The following ULK4 variants were observed in gnomAD, a reference collection of about 807,000 sequenced individuals.
The protein encoded by ULK4 is unc-51 like kinase 4.
In ULK4, 133 loss-of-function variants were observed where a neutral mutation model predicts 160.6. That is an observed-to-expected ratio of 0.83 (90% confidence interval 0.72 to 0.96). The LOEUF is 0.96. Ranked by LOEUF, ULK4 falls within the 40% of genes least tolerant of loss-of-function variation. The pLI is 0.00. For missense variants in ULK4, 1,580 were observed against 1,499.5 expected (o/e 1.05, Z -0.89); for synonymous variants, 534 against 539.8 (o/e 0.99, Z 0.15).
chr3:41,297,849 T>C (rs2079700901), intron 35 of ULK4, among the ~76,000 whole-genome samples: 2 of 152,222 alleles, frequency 1.3e-5, no homozygotes, highest in South Asian at 2.1e-4. Context: ...TAATGCATTA[T>C]TACATTTCAG....
At chr3:41,263,910 G>A (rs1345871201) in intron 35 of ULK4, among the ~76,000 whole-genome samples, 1 of 152,174 alleles carries the variant, frequency 6.6e-6, no homozygotes, top group African/African-American at 2.4e-5. Flanking sequence ...AATAGCAGGG[G>A]GTGCCGGGTG....
chr3:41,937,433 C>T (rs867108418), intron 3 of ULK4: 2 of 616,974 alleles, frequency 3.2e-6, no homozygotes, highest in Non-Finnish European at 5.8e-6. Flanking sequence ...AAGTTAGATG[C>T]ATAAAGCTAG....
intron 1 of ULK4, among the ~76,000 whole-genome samples, chr3:41,961,504 TCA>T (rs1443354016): frequency 2.1e-5 from 3 of 141,730 alleles, no homozygotes; most frequent in Non-Finnish European, 4.5e-5. Flanking sequence ...TCGCCGCACT[TCA>T]CAGACTCAAT....
chr3:41,643,832 T>C (rs974786689), intron 30 of ULK4, among the ~76,000 whole-genome samples: 1 of 152,238 alleles, frequency 6.6e-6, no homozygotes, highest in Non-Finnish European at 1.5e-5. Context: ...CAGCATGGAA[T>C]GTTCTTCCAT....
At chr3:41,906,367 A>AT (rs1698561659) in intron 12 of ULK4, among the ~76,000 whole-genome samples, 1 of 152,090 alleles carries the variant, frequency 6.6e-6, no homozygotes, top group Admixed American at 6.6e-5. Flanking sequence ...TTTACAAACA[A>AT]TTTTTTGTAA....
intron 35 of ULK4, among the ~76,000 whole-genome samples, chr3:41,264,959 C>T (rs957221907): frequency 1.3e-5 from 2 of 152,202 alleles, no homozygotes; most frequent in African/African-American, 2.4e-5. Context: ...AGACTTGTGA[C>T]AGGGCACAGG....
At chr3:41,677,284 T>C (rs986726399) in intron 29 of ULK4, among the ~76,000 whole-genome samples, 1 of 151,980 alleles carries the variant, frequency 6.6e-6, no homozygotes, top group African/African-American at 2.4e-5. Context: ...TAAATGGTAT[T>C]ATAATCCACA....
At chr3:41,578,365 G>A (rs1329855823) in intron 31 of ULK4, among the ~76,000 whole-genome samples, 1 of 152,088 alleles carries the variant, frequency 6.6e-6, no homozygotes, top group Non-Finnish European at 1.5e-5. Flanking sequence ...ATAACCGAAG[G>A]CAATCAGCTT....
At chr3:41,287,817 C>T (rs1212168972) in intron 35 of ULK4, among the ~76,000 whole-genome samples, 3 of 152,164 alleles carry the variant, frequency 2.0e-5, no homozygotes, top group South Asian at 2.1e-4. Flanking sequence ...TGGAAAGGAC[C>T]GCACTGAGGC....
intron 18 of ULK4, among the ~76,000 whole-genome samples, chr3:41,827,873 C>T (rs59307944): frequency 0.32 from 47,844 of 151,088 alleles, 11,145 homozygotes; most frequent in African/African-American, 0.66. Context: ...CCAATATCCC[C>T]GATGAACACT....
In ULK4 at chr3:41,481,826, CAAAAA is replaced by C. The variant is rs71616009; in HGVS notation, c.3227-18578_3227-18574del. Among the ~76,000 whole-genome samples the C allele has an allele frequency of 7.5e-5, 5 of 66,846 alleles. No individual in the cohort carries two copies. The East Asian group carries it at 2.5e-3, about 34-fold the overall frequency. 43.9% of individuals were successfully genotyped at this position (66,846 alleles called of 152,430 possible). On this transcript the variant is annotated intron_variant, in intron 32 of 36. Coordinates refer to ENST00000301831, the MANE Select transcript of ULK4 (RefSeq NM_017886.4). Reference sequence around the variant, plus strand: ...TGGGCGACAGAGCGAGACTCCGTCTCAAAAAAAAAAAAAAAAAAAAAGAACAAAAG... The same window carrying C: ...TGGGCGACAGAGCGAGACTCCGTCTCAAAAAAAAAAAAAAAAGAACAAAAG...
chr3:41,616,123 T>C lies in ULK4; in HGVS notation c.3072-406A>G, dbSNP rs1015484267. Among the ~76,000 whole-genome samples, 3 of 152,168 alleles carry C rather than the reference T, an allele frequency of 2.0e-5. No homozygotes were observed. In the East Asian group the frequency reaches 5.8e-4, roughly 29 times the overall value. ...GCCTCATTAGCTGTATTCTCAGCAT[T>C]AAGAAATTAATGTATGACGAATTTT... On this transcript the variant is annotated intron_variant, in intron 30 of 36. Coordinates refer to ENST00000301831, the MANE Select transcript of ULK4 (RefSeq NM_017886.4).
At chr3:41,585,642 A>C (rs1240084778) in intron 31 of ULK4, among the ~76,000 whole-genome samples, 1 of 152,190 alleles carries the variant, frequency 6.6e-6, no homozygotes, top group African/African-American at 2.4e-5. Context: ...CAAAAGCACA[A>C]GCAACAAAAT....
At chr3:41,824,632 T>C (rs1180424209) in intron 18 of ULK4, among the ~76,000 whole-genome samples, 4 of 152,120 alleles carry the variant, frequency 2.6e-5, no homozygotes, top group African/African-American at 9.7e-5. Context: ...GTGCCTACCA[T>C]TGCCGAGGCT....
chr3:41,404,743 G>A (rs997881858), intron 34 of ULK4, among the ~76,000 whole-genome samples: 4 of 152,162 alleles, frequency 2.6e-5, no homozygotes, highest in African/African-American at 9.7e-5. Flanking sequence ...ATGTGCATGT[G>A]CTCAGGCTCT....
At chr3:41,468,163 AG>A (rs1392204060) in intron 32 of ULK4, among the ~76,000 whole-genome samples, 3 of 152,204 alleles carry the variant, frequency 2.0e-5, no homozygotes, top group African/African-American at 7.2e-5. Context: ...GATACAACAA[AG>A]GGACATTCAA....
chr3:41,419,810 T>A (rs1301185504), intron 34 of ULK4, among the ~76,000 whole-genome samples: 1 of 152,038 alleles, frequency 6.6e-6, no homozygotes, highest in Non-Finnish European at 1.5e-5. Flanking sequence ...GGCAGAGCTG[T>A]TCCTTATAGA....
At chr3:41,658,312 C>G (rs1268410723) in intron 30 of ULK4, among the ~76,000 whole-genome samples, 1 of 152,182 alleles carries the variant, frequency 6.6e-6, no homozygotes, top group African/African-American at 2.4e-5. Flanking sequence ...ATGCCAGTGT[C>G]TAGCCCTAGA....
At chr3:41,300,536 A>G (rs1048288639) in intron 35 of ULK4, among the ~76,000 whole-genome samples, 1 of 152,050 alleles carries the variant, frequency 6.6e-6, no homozygotes, top group African/African-American at 2.4e-5. Flanking sequence ...TATTAAAATT[A>G]TTCTATAGTT....
Sources: gnomAD v4.1 joint callset for allele counts (sites outside exome capture counted in the v4.1 genomes callset) on GRCh38, gnomAD v4.1.1 for gene constraint, MANE v1.5 for transcripts, NCBI Gene and HGNC (gene_info 2026-07-23, HGNC 2026-07-21) for gene names.